Variants in FMN2 observed in about 807,000 individuals in gnomAD.
FMN2 encodes formin-2.
FMN2 carries 51 observed loss-of-function variants against 142.3 expected under a neutral mutation model. The observed-to-expected ratio is 0.36, with a 90% CI of 0.29 to 0.45. FMN2 has a LOEUF of 0.45. FMN2 is among the 20% of genes least tolerant of loss of function. The pLI is 1.00. For synonymous variants in FMN2, 882 were observed against 869.8 expected (o/e 1.01, Z -0.25); for missense variants, 1,936 against 2,122.8 (o/e 0.91, Z 1.73).
intron 4 of FMN2, among the ~76,000 whole-genome samples, chr1:240,204,378 TGGCTTAAG>T (rs1360416969): frequency 6.6e-6 from 1 of 152,098 alleles, no homozygotes; most frequent in African/African-American, 2.4e-5. Flanking sequence ...GCTGGGAGGG[TGGCTTAAG>T]CCCAGGAGTT....
chr1:240,153,261 G>A (rs1663859728), intron 2 of FMN2, among the ~76,000 whole-genome samples: 1 of 152,018 alleles, frequency 6.6e-6, no homozygotes, highest in African/African-American at 2.4e-5. Flanking sequence ...AGATGCTAGA[G>A]CCATTTTATC....
chr1:240,294,399 GT>G (rs1669896980), intron 7 of FMN2, among the ~76,000 whole-genome samples: 1 of 152,172 alleles, frequency 6.6e-6, no homozygotes. Context: ...AAGTCCATCT[GT>G]TTAATGATTA....
At chr1:240,110,207 C>G (rs1351432295) in intron 1 of FMN2, among the ~76,000 whole-genome samples, 1 of 152,062 alleles carries the variant, frequency 6.6e-6, no homozygotes, top group Non-Finnish European at 1.5e-5. Flanking sequence ...GTAGAAGATC[C>G]CTGGAATAAA....
chr1:240,430,579 G>A (rs1675130835), intron 15 of FMN2, among the ~76,000 whole-genome samples: 1 of 151,730 alleles, frequency 6.6e-6, no homozygotes, highest in South Asian at 2.1e-4. Flanking sequence ...TTGGCCCAAA[G>A]ATGTAAAGAC....
chr1:240,148,977 A>AATAAAT (rs1553332908), intron 2 of FMN2, among the ~76,000 whole-genome samples: 2 of 150,054 alleles, frequency 1.3e-5, no homozygotes, highest in Non-Finnish European at 3.0e-5. Context: ...GTCTCAAAAA[A>AATAAAT]AAATAAATAA....
intron 3 of FMN2, among the ~76,000 whole-genome samples, chr1:240,185,035 C>CCTTCTCTTTCTCCCTCCTATA (rs1665360485): frequency 1.3e-5 from 2 of 150,120 alleles, no homozygotes; most frequent in African/African-American, 5.0e-5. Flanking sequence ...TATACCTTCC[C>CCTTCTCTTTCTCCCTCCTATA]CCTTCTCTTT....
intron 1 of FMN2, among the ~76,000 whole-genome samples, chr1:240,108,000 G>A (rs1661677713): frequency 6.6e-6 from 1 of 152,104 alleles, no homozygotes; most frequent in South Asian, 2.1e-4. Context: ...AAACAATTAT[G>A]AAGACACATT....
chr1:240,209,859 G>C (rs899657175), intron 5 of FMN2, among the ~76,000 whole-genome samples: 7 of 151,808 alleles, frequency 4.6e-5, no homozygotes, highest in Non-Finnish European at 7.4e-5. Flanking sequence ...AGCCGAGATC[G>C]CGCCACTGCA....
intron 13 of FMN2, among the ~76,000 whole-genome samples, chr1:240,350,828 T>A (rs775336008): frequency 6.6e-6 from 1 of 152,200 alleles, no homozygotes; most frequent in Non-Finnish European, 1.5e-5. Context: ...AGTTCAAAAC[T>A]GGTCATTAAG....
intron 6 of FMN2, among the ~76,000 whole-genome samples, chr1:240,221,493 T>G (rs1461513882): frequency 6.6e-6 from 1 of 152,212 alleles, no homozygotes; most frequent in Non-Finnish European, 1.5e-5. Context: ...TTTTCATATG[T>G]TTATTGGCCA....
At chr1:240,184,968 CTA>C (rs1222526918) in intron 3 of FMN2, among the ~76,000 whole-genome samples, 6 of 148,972 alleles carry the variant, frequency 4.0e-5, no homozygotes, top group African/African-American at 1.5e-4. Context: ...TTTCTCCCTC[CTA>C]TACCTTCCCC....
intron 15 of FMN2, among the ~76,000 whole-genome samples, chr1:240,425,268 C>G (rs1409625707): frequency 6.7e-6 from 1 of 148,700 alleles, no homozygotes; most frequent in Non-Finnish European, 1.5e-5. Context: ...GCATTCCAGG[C>G]AGATGAAAAA....
At chr1:240,257,922 C>A in intron 6 of FMN2, 23 bp from the exon 7 acceptor site, 1 of 1,602,664 alleles carries the variant, frequency 6.2e-7, no homozygotes, top group South Asian at 1.1e-5. Flanking sequence ...ACATTTTCCC[C>A]TTTTACTTTC....
intron 1 of FMN2, among the ~76,000 whole-genome samples, chr1:240,101,405 T>C (rs984335549): frequency 1.3e-5 from 2 of 152,142 alleles, no homozygotes; most frequent in Non-Finnish European, 2.9e-5. Flanking sequence ...AGTGGTGATG[T>C]TTTGACTTTG....
At chr1:240,098,327 C>T (rs1195535710) in intron 1 of FMN2, among the ~76,000 whole-genome samples, 1 of 151,954 alleles carries the variant, frequency 6.6e-6, no homozygotes, top group Non-Finnish European at 1.5e-5. Context: ...GTCTTGAACT[C>T]CTGACCTCAG....
chr1:240,452,130 G>T (rs554128846), intron 16 of FMN2, among the ~76,000 whole-genome samples: 93 of 151,990 alleles, frequency 6.1e-4, no homozygotes, highest in Non-Finnish European at 1.1e-3. Flanking sequence ...GGCAGGGGTT[G>T]CAGTGAGCCG....
intron 6 of FMN2, chr1:240,245,673 G>C (rs1668056359): frequency 2.2e-6 from 1 of 459,210 alleles, no homozygotes; most frequent in Admixed American, 2.5e-5. Context: ...GGTGGTCTCT[G>C]TTGTGACTTG....
intron 2 of FMN2, among the ~76,000 whole-genome samples, chr1:240,132,540 G>A (rs1662781568): frequency 6.6e-6 from 1 of 152,152 alleles, no homozygotes; most frequent in East Asian, 1.9e-4. Flanking sequence ...GAGAAGCTCA[G>A]GGTGTTGGCT....
intron 13 of FMN2, among the ~76,000 whole-genome samples, chr1:240,336,553 CAAAAAAAAAAAA>C (rs552135436): frequency 3.4e-4 from 17 of 50,492 alleles, no homozygotes; most frequent in Middle Eastern, 0.017. Context: ...TGGTATTCTC[CAAAAAAAAAAAA>C]AAAAAAAAAA....
Sources: allele counts gnomAD v4.1 joint callset (sites outside exome capture counted in the v4.1 genomes callset), GRCh38; gene constraint gnomAD v4.1.1; transcripts MANE v1.5; gene names NCBI Gene and HGNC (gene_info 2026-07-23, HGNC 2026-07-21).